The following RTN1 variants were observed in gnomAD, a reference collection of about 807,000 sequenced individuals.
RTN1 encodes the protein reticulon 1.
In RTN1, 25 loss-of-function variants were observed where a neutral mutation model predicts 65.5. That is an observed-to-expected ratio of 0.38 (90% CI 0.28 to 0.53). The LOEUF is 0.53. Ranked by LOEUF, RTN1 falls within the 20% of genes least tolerant of loss-of-function variation. RTN1 has a pLI of 0.79. For synonymous variants in RTN1, 471 were observed against 447.6 expected (o/e 1.05, Z -0.66); for missense variants, 983 against 1,025.4 (o/e 0.96, Z 0.57).
At chr14:59,767,835 C>T (rs1885879678) in intron 1 of RTN1, among the ~76,000 whole-genome samples, 1 of 152,206 alleles carries the variant, frequency 6.6e-6, no homozygotes, top group Admixed American at 6.5e-5. Context: ...AGTGCAAATA[C>T]TATACACTTG....
chr14:59,804,730 G>A lies in RTN1; in HGVS notation c.242-58249C>T, dbSNP rs564007619. 1.2e-4 allele frequency among the ~76,000 whole-genome samples: 18 copies of A among 152,260 alleles called. No homozygotes were observed. The South Asian group carries it at 2.9e-3, about 25-fold the overall frequency. On this transcript the variant is annotated intron_variant, in intron 1 of 8. Coordinates refer to ENST00000267484, the MANE Select transcript of RTN1 (RefSeq NM_021136.3). ...GCCAGCCTCTGGCAAAACTGCATGGGAAGTAAATTTGCTGCTGGGAATGCA... is the reference window on the plus strand; with the variant it reads ...GCCAGCCTCTGGCAAAACTGCATGGAAAGTAAATTTGCTGCTGGGAATGCA...
intron 1 of RTN1, among the ~76,000 whole-genome samples, chr14:59,751,974 T>C (rs1885531623): frequency 6.6e-6 from 1 of 152,118 alleles, no homozygotes; most frequent in African/African-American, 2.4e-5. Flanking sequence ...AGTCTCACAC[T>C]CACTTGACCA....
rs373547018 is a variant in RTN1, at chr14:59,749,154, C to CTA, written c.242-2675_242-2674dup. Among the ~76,000 whole-genome samples the CTA allele has an allele frequency of 3.4e-5, 2 of 59,236 alleles. 1 individual carries two copies. The highest frequency in any genetic ancestry group is 2.2e-4 in the African/African-American group (2 of 8,996). 38.9% of individuals were successfully genotyped at this position (59,236 alleles called of 152,430 possible). A position where few individuals can be genotyped will look rare whatever the true frequency, so the allele number is the denominator to read the frequency against. On this transcript the variant is annotated intron_variant, in intron 1 of 8. Transcript: ENST00000267484. The stretch of plus-strand genomic sequence containing the variant: ...TATCTATATCTATCTATCTATCTAT[C>CTA]TATATCTATCTATATATCTATCTAT...
chr14:59,683,998 GA>G (rs949512041), intron 3 of RTN1, among the ~76,000 whole-genome samples: 5 of 152,156 alleles, frequency 3.3e-5, no homozygotes, highest in African/African-American at 9.6e-5. Flanking sequence ...CACAGGCTCA[GA>G]AGGCTTCTGC....
chr14:59,820,233 TG>T (rs1886916199), intron 1 of RTN1, among the ~76,000 whole-genome samples: 1 of 151,900 alleles, frequency 6.6e-6, no homozygotes, highest in Admixed American at 6.6e-5. Flanking sequence ...TACTTTTTAA[TG>T]GGGTTTTTTT....
At chr14:59,866,844 C>G (rs1341826793) in intron 1 of RTN1, among the ~76,000 whole-genome samples, 1 of 152,142 alleles carries the variant, frequency 6.6e-6, no homozygotes, top group Non-Finnish European at 1.5e-5. Context: ...CTGTCAAACA[C>G]ATCCAAAAGT....
rs981650384 is a variant in RTN1 at position 59,783,378 on chromosome 14, ACATT to A, written c.242-36901_242-36898del. On this transcript the variant is annotated intron_variant, in intron 1 of 8. Coordinates refer to ENST00000267484, the MANE Select transcript of RTN1 (RefSeq NM_021136.3). ...AAGCAGTTGGAGTGGGGTTTGGATT[ACATT>A]CATTCCTCAAGAGGCTGGGTGCTTA... is the stretch of plus-strand genomic sequence containing the variant. Among the ~76,000 whole-genome samples the A allele has an allele frequency of 1.1e-4, 17 of 152,262 alleles. 1 individual carries two copies. The highest frequency in any genetic ancestry group is 8.5e-4 in the Admixed American group (13 of 15,284).
At chr14:59,856,120 T>C (rs1887603343) in intron 1 of RTN1, among the ~76,000 whole-genome samples, 1 of 152,214 alleles carries the variant, frequency 6.6e-6, no homozygotes, top group Non-Finnish European at 1.5e-5. Flanking sequence ...TGCTGTGTCC[T>C]TCCACAGGTC....
intron 3 of RTN1, among the ~76,000 whole-genome samples, chr14:59,613,972 A>G (rs1001599326): frequency 5.3e-5 from 8 of 152,212 alleles, no homozygotes; most frequent in African/African-American, 1.7e-4. Flanking sequence ...GGTAGGAAAT[A>G]TAAGGGATGG....
chr14:59,827,370 G>T (rs938454584), intron 1 of RTN1, among the ~76,000 whole-genome samples: 2 of 152,100 alleles, frequency 1.3e-5, no homozygotes, highest in African/African-American at 2.4e-5. Flanking sequence ...GAGCCACCGC[G>T]CCCCGCTGTA....
chr14:59,858,950 A>C (rs1420661208), intron 1 of RTN1, among the ~76,000 whole-genome samples: 1 of 152,240 alleles, frequency 6.6e-6, no homozygotes, highest in Non-Finnish European at 1.5e-5. Flanking sequence ...TTAATAATCC[A>C]AAACTGGATA....
At chr14:59,859,747 T>C (rs1887674334) in intron 1 of RTN1, among the ~76,000 whole-genome samples, 2 of 152,196 alleles carry the variant, frequency 1.3e-5, no homozygotes, top group Non-Finnish European at 2.9e-5. Context: ...AATGAGCTGG[T>C]CTCAGATGGA....
At chr14:59,744,056 A>G (rs988390372) in intron 2 of RTN1, among the ~76,000 whole-genome samples, 1 of 152,186 alleles carries the variant, frequency 6.6e-6, no homozygotes, top group Admixed American at 6.5e-5. Context: ...CTATGGTTGA[A>G]TGAGTCTGAA....
At chr14:59,627,880 G>A (rs1230740327) in intron 3 of RTN1, among the ~76,000 whole-genome samples, 1 of 152,052 alleles carries the variant, frequency 6.6e-6, no homozygotes, top group Non-Finnish European at 1.5e-5. Context: ...TCCTTTCCAA[G>A]CAAAACTTGT....
At chr14:59,839,636 T>C (rs1887275071) in intron 1 of RTN1, among the ~76,000 whole-genome samples, 1 of 152,198 alleles carries the variant, frequency 6.6e-6, no homozygotes, top group South Asian at 2.1e-4. Context: ...TATTACTCTA[T>C]ATATGAAAAA....
chr14:59,730,175 T>C (rs1884870141), intron 2 of RTN1, among the ~76,000 whole-genome samples: 2 of 152,236 alleles, frequency 1.3e-5, no homozygotes, highest in Non-Finnish European at 2.9e-5. Context: ...GGTTAGAAAT[T>C]ATTTGACCTG....
At chr14:59,763,926 A>T (rs1885800152) in intron 1 of RTN1, among the ~76,000 whole-genome samples, 1 of 152,182 alleles carries the variant, frequency 6.6e-6, no homozygotes, top group African/African-American at 2.4e-5. Context: ...TGACCAAAAA[A>T]ATACATTGTT....
intron 3 of RTN1, among the ~76,000 whole-genome samples, chr14:59,655,585 A>G (rs1345780835): frequency 6.6e-6 from 1 of 152,232 alleles, no homozygotes; most frequent in Non-Finnish European, 1.5e-5. Context: ...CCATGCTACA[A>G]TGATCAAGAC....
intron 2 of RTN1, among the ~76,000 whole-genome samples, chr14:59,732,258 T>C (rs867045118): frequency 6.6e-6 from 1 of 152,188 alleles, no homozygotes; most frequent in South Asian, 2.1e-4. Flanking sequence ...CCCCTGGTCA[T>C]GGAAGGCCCT....
Sources: gnomAD v4.1 joint callset for allele counts (sites outside exome capture counted in the v4.1 genomes callset) on GRCh38, gnomAD v4.1.1 for gene constraint, MANE v1.5 for transcripts, NCBI Gene and HGNC (gene_info 2026-07-23, HGNC 2026-07-21) for gene names.